Variants in HMCN2 observed in about 807,000 individuals in gnomAD.
The protein encoded by HMCN2 is hemicentin 2.
HMCN2 carries 325 observed loss-of-function variants against 377.5 expected under a neutral mutation model. That is an observed-to-expected ratio of 0.86 (90% CI 0.79 to 0.94). The LOEUF is 0.94. Among genes scored for constraint, HMCN2 ranks in the 40% least tolerant of loss-of-function variants. HMCN2 has a pLI of 0.00. For missense variants in HMCN2, 4,543 were observed against 4,725.3 expected, an observed-to-expected ratio of 0.96 and a Z score of 1.13; for synonymous variants, 2,007 against 2,046.8, an observed-to-expected ratio of 0.98 and a Z score of 0.53.
rs1842826484 is a variant in HMCN2 at position 130,400,780 on chromosome 9, T to C, written c.11606-3T>C. 1 of 1,284,180 alleles carries C rather than the reference T, an allele frequency of 7.8e-7. No individual in the cohort carries two copies. 79.5% of individuals were successfully genotyped at this position (1,284,180 alleles called of 1,614,324 possible). A position where few individuals can be genotyped will look rare whatever the true frequency, so the allele number is the denominator to read the frequency against. ...GGGCCTCAAGCCTTGTCTTGGGTTTTAGTGCCTCCCACCATTGCCGATGAC... is the reference window on the plus strand; with the variant it reads ...GGGCCTCAAGCCTTGTCTTGGGTTTCAGTGCCTCCCACCATTGCCGATGAC... On this transcript the variant is annotated splice_region_variant and splice_polypyrimidine_tract_variant and intron_variant, in intron 76 of 97. Coordinates refer to ENST00000683500, the MANE Select transcript of HMCN2 (RefSeq NM_001291815.2).
intron 15 of HMCN2, among the ~76,000 whole-genome samples, chr9:130,310,581 GGGAGGGGCTACCCAGGGA>G (rs781980376): frequency 0.016 from 2,483 of 152,112 alleles, 22 homozygotes; most frequent in Non-Finnish European, 0.028. Context: ...CAGTGTGTGT[GGGAGGGGCTACCCAGGGA>G]TGTGAACACC....
chr9:130,281,760 G>A (rs1835135522), intron 1 of HMCN2, among the ~76,000 whole-genome samples: 1 of 152,054 alleles, frequency 6.6e-6, no homozygotes, highest in African/African-American at 2.4e-5. Flanking sequence ...CGGGTGTGGT[G>A]GCATGCACCT....
chr9:130,349,445 G>T, intron 28 of HMCN2, 92 bp from the exon 29 acceptor site: 1 of 1,229,814 alleles, frequency 8.1e-7, no homozygotes. Context: ...GGGGGGCCCA[G>T]GCTGGGGGGT....
At position 130,265,890 on chromosome 9, in the gene HMCN2, G is replaced by A; in HGVS notation, c.12G>A (p.Gly4=). The A allele has an allele frequency of 8.2e-6, 3 of 365,390 alleles. No individual in the cohort carries two copies. The highest frequency in any genetic ancestry group is 1.6e-5 in the Non-Finnish European group (3 of 183,728). 22.6% of individuals were successfully genotyped at this position (365,390 alleles called of 1,614,324 possible). A position where few individuals can be genotyped will look rare whatever the true frequency, so the allele number is the denominator to read the frequency against. MMP[G]APLLRLLTAV... ...GAGCCGCGCTCGGCATGATGCCCGG[G>A]GCGCCGCTCCTGCGGCTGCTGACCG... The change falls in exon 1 of 98, where the codon GGG becomes GGA. Residue 4 remains glycine, a synonymous_variant. Coordinates refer to ENST00000683500, the MANE Select transcript of HMCN2 (RefSeq NM_001291815.2).
chr9:130,358,900 T>C (rs1190823803), intron 36 of HMCN2, among the ~76,000 whole-genome samples: 3 of 152,194 alleles, frequency 2.0e-5, no homozygotes, highest in Admixed American at 2.0e-4. Flanking sequence ...GGTCTCGATC[T>C]CCTGACCTCG....
rs756343352 is a variant in HMCN2, at chr9:130,405,939, C to T, written c.12340-16C>T. ...GGTGGGGCAGTTCTCCGGCCAACCC[C>T]TTTCTTTGCTCACAGGGCCAGGACG... On this transcript the variant is annotated splice_polypyrimidine_tract_variant and intron_variant, in intron 81 of 97. Coordinates refer to ENST00000683500, the MANE Select transcript of HMCN2 (RefSeq NM_001291815.2). 5 of 1,279,264 alleles carry T rather than the reference C, an allele frequency of 3.9e-6. No homozygotes were observed. The highest frequency in any genetic ancestry group is 3.1e-6 in the Non-Finnish European group (3 of 981,062). 79.2% of individuals were successfully genotyped at this position (1,279,264 alleles called of 1,614,324 possible).
Position 130,406,045 on chromosome 9 carries a change from G to A in HMCN2, c.12430G>A (p.Val4144Met), listed in dbSNP as rs1312804639. The change falls in exon 82 of 98, where the codon GTG becomes ATG. Residue 4144 changes from valine (V) to methionine (M), a missense_variant. This residue lies in a region of HMCN2 where 1,073 missense variants were observed against 1,319.5 expected (regional missense o/e 0.81). Transcript: ENST00000683500. ...GCACCTCACCATCCTGGTACTGCCT[G>A]TGTTCACCACCCTGCCTGGGGACCG... ...RVHLTILVLP[V>M]FTTLPGDRSL... The A allele has an allele frequency of 1.6e-6, 2 of 1,289,804 alleles. No homozygotes were observed. Among genetic ancestry groups the A allele is most frequent in the Non-Finnish European group, 2.0e-6 (2 of 988,906 alleles). The allele number at this position is 1,289,804 out of a possible 1,614,324, so 79.9% of individuals were successfully genotyped here. A position where few individuals can be genotyped will look rare whatever the true frequency, so the allele number is the denominator to read the frequency against.
chr9:130,381,295 G>A (rs1244031843), intron 54 of HMCN2, among the ~76,000 whole-genome samples: 2 of 152,020 alleles, frequency 1.3e-5, no homozygotes, highest in Non-Finnish European at 2.9e-5. Flanking sequence ...AGAATTCTGA[G>A]CACACAGTAA....
chr9:130,322,939 A>T (rs1375381117), intron 19 of HMCN2, among the ~76,000 whole-genome samples: 1 of 152,178 alleles, frequency 6.6e-6, no homozygotes, highest in Non-Finnish European at 1.5e-5. Context: ...AGTGGGAAGA[A>T]CGCGCGTTCC....
Position 130,288,398 on chromosome 9 carries a change from CTGT to C in HMCN2, c.612+2093_612+2095del, listed in dbSNP as rs1483503911. 9.9e-4 allele frequency among the ~76,000 whole-genome samples: 151 copies of C among 152,350 alleles called. 1 individual carries two copies. The highest frequency in any genetic ancestry group is 3.2e-3 in the African/African-American group (135 of 41,576). ...CCCTCTCCTTCCTGGGCATGGAGCT[CTGT>C]TGTTCTTTAGCTTAATGCCTTGGAC... On this transcript the variant is annotated intron_variant, in intron 4 of 97. Transcript: ENST00000683500.
At chr9:130,343,279 G>A (rs1839161737) in intron 25 of HMCN2, among the ~76,000 whole-genome samples, 1 of 152,232 alleles carries the variant, frequency 6.6e-6, no homozygotes, top group Non-Finnish European at 1.5e-5. Context: ...AGGTTCTCTG[G>A]AGGGTGCTGT....
rs1454660857 is a variant in HMCN2, at chr9:130,375,864, G to T, written c.7805-12G>T. Reference sequence around the variant, plus strand: ...AGATTTGGGGTGACCCTGGCCACTGGCCCCCACACAGGTACCCACGGGCTG... The same window carrying T: ...AGATTTGGGGTGACCCTGGCCACTGTCCCCCACACAGGTACCCACGGGCTG... On this transcript the variant is annotated splice_polypyrimidine_tract_variant and intron_variant, in intron 50 of 97. Coordinates refer to ENST00000683500, the MANE Select transcript of HMCN2 (RefSeq NM_001291815.2). 1 of 985,416 alleles carries T rather than the reference G, an allele frequency of 1.0e-6. No homozygotes were observed. The highest frequency in any genetic ancestry group is 6.1e-5 in the Admixed American group (1 of 16,262). 61.0% of individuals were successfully genotyped at this position (985,416 alleles called of 1,614,324 possible). A position where few individuals can be genotyped will look rare whatever the true frequency, so the allele number is the denominator to read the frequency against.
At chr9:130,331,918 T>G (rs1838452151) in intron 22 of HMCN2, among the ~76,000 whole-genome samples, 1 of 152,006 alleles carries the variant, frequency 6.6e-6, no homozygotes, top group African/African-American at 2.4e-5. Context: ...TTCTTCCAGG[T>G]TTTCTTCCTT....
At chr9:130,298,727 G>T (rs1273363093) in intron 7 of HMCN2, among the ~76,000 whole-genome samples, 9 of 152,178 alleles carry the variant, frequency 5.9e-5, no homozygotes, top group African/African-American at 2.2e-4. Flanking sequence ...AGTTAATGGG[G>T]TGGGGGACAG....
Position 130,374,575 on chromosome 9 carries a change from C to CT in HMCN2, c.7512_7513insT (p.Pro2505SerfsTer54). The CT allele has an allele frequency of 1.0e-6, 1 of 985,784 alleles. No individual in the cohort carries two copies. The highest frequency in any genetic ancestry group is 1.2e-6 in the Non-Finnish European group (1 of 829,970). 61.1% of individuals were successfully genotyped at this position (985,784 alleles called of 1,614,324 possible). ...CTAGGGGAGATGCTCACCACATCTC[C>CT]CCAGACGGAGTCCTCCTGCAGGTCC... On this transcript the variant is annotated frameshift_variant, in exon 49 of 98. Coordinates refer to ENST00000683500, the MANE Select transcript of HMCN2 (RefSeq NM_001291815.2). LOFTEE classifies it high-confidence loss of function.
Position 130,395,307 on chromosome 9 carries a change from C to T in HMCN2, c.10871C>T (p.Ala3624Val), listed in dbSNP as rs1240293845. The T allele has an allele frequency of 8.5e-6, 11 of 1,289,284 alleles. No individual in the cohort carries two copies. The highest frequency in any genetic ancestry group is 2.1e-4 in the Middle Eastern group (1 of 4,704). 79.9% of individuals were successfully genotyped at this position (1,289,284 alleles called of 1,614,324 possible). A position where few individuals can be genotyped will look rare whatever the true frequency, so the allele number is the denominator to read the frequency against. ...GAGTGTTCGGTGGAGGCAGAGCCAG[C>T]GCCCAAGATCACGTGGCACCGAGAC... Reference protein sequence around the residue: ...VLECSVEAEPAPKITWHRDGI... With the variant: ...VLECSVEAEPVPKITWHRDGI... Residue 3624 changes from alanine to valine, a missense_variant, in exon 71 of 98, where the codon GCG becomes GTG. Physicochemically the swap from Ala to Val is moderately conservative, Grantham distance 64. Coordinates refer to ENST00000683500, the MANE Select transcript of HMCN2 (RefSeq NM_001291815.2).
Position 130,433,515 on chromosome 9 carries a change from T to G in HMCN2, c.15062T>G (p.Leu5021Arg). 2.0e-6 allele frequency: 3 copies of G among 1,489,776 alleles called. No individual in the cohort carries two copies. Among genetic ancestry groups the G allele is most frequent in the Non-Finnish European group, 2.7e-6 (3 of 1,126,834 alleles). 92.3% of individuals were successfully genotyped at this position (1,489,776 alleles called of 1,614,324 possible). Residue 5021 changes from leucine to arginine, a missense_variant, in exon 98 of 98, where the codon CTG (leucine) becomes CGG (arginine). Leu to Arg is a moderately radical substitution (Grantham distance 102). Transcript: ENST00000683500. ...VPANRTELSMLEPDPRSPFAL... is the reference protein window; with the variant it reads ...VPANRTELSMREPDPRSPFAL... ...GCCAACCGCACCGAGCTCAGCATGC[T>G]GGAGCCCGACCCCCGCAGCCCCTTC...
intron 54 of HMCN2, among the ~76,000 whole-genome samples, chr9:130,379,927 G>C (rs1459501070): frequency 6.6e-6 from 1 of 152,132 alleles, no homozygotes; most frequent in African/African-American, 2.4e-5. Flanking sequence ...CCAGGCTGGA[G>C]TGCAATGGTG....
Position 130,433,423 on chromosome 9 carries a change from G to GCCGCTA in HMCN2, c.14972_14973insGCTACC (p.Pro4991_Leu4992dup), listed in dbSNP as rs1394741166. 1 of 1,492,590 alleles carries GCCGCTA rather than the reference G, an allele frequency of 6.7e-7. No homozygotes were observed. The allele number at this position is 1,492,590 out of a possible 1,614,324, so 92.5% of individuals were successfully genotyped here. On this transcript the variant is annotated inframe_insertion, in exon 98 of 98. Transcript: ENST00000683500. ...CGCTGCAGTACCGGCTGCTGCCGCTGCCCCTGGGCGTGCGCGCCCACCACG... is the reference window on the plus strand; with the variant it reads ...CGCTGCAGTACCGGCTGCTGCCGCTGCCGCTACCCCTGGGCGTGCGCGCCCACCACG...
Sources: gnomAD v4.1 joint callset for allele counts (sites outside exome capture counted in the v4.1 genomes callset) on GRCh38, gnomAD v4.1.1 for gene constraint, gnomAD v4.1.1 regional missense constraint, MANE v1.5 for transcripts, NCBI Gene and HGNC (gene_info 2026-07-23, HGNC 2026-07-21) for gene names.